Variants in GRIN3B observed in about 807,000 individuals in gnomAD.
GRIN3B encodes the protein glutamate ionotropic receptor NMDA type subunit 3B, also known as glutamate receptor ionotropic, NMDA 3B.
In GRIN3B, 77 loss-of-function variants were observed where a neutral mutation model predicts 66.0. That is an observed-to-expected ratio of 1.17 (90% CI 0.97 to 1.41). The LOEUF (loss-of-function observed/expected upper bound fraction) is 1.41, where lower values mean the gene tolerates loss of function less well. Ranked by LOEUF, GRIN3B falls within the 40% of genes most tolerant of loss-of-function variation. GRIN3B has a pLI of 0.00. For missense variants in GRIN3B, 1,787 were observed against 1,564.5 expected, an observed-to-expected ratio of 1.14 and a Z score of -2.40; for synonymous variants, 823 against 749.7, an observed-to-expected ratio of 1.10 and a Z score of -1.60.
chr19:1,008,920 G>C lies in GRIN3B; in HGVS notation c.2695G>C (p.Glu899Gln), dbSNP rs137857882. The change falls in exon 8 of 9, where the codon GAG (glutamate) becomes CAG (glutamine). Residue 899 changes from glutamate (E) to glutamine (Q), a missense_variant. Glu to Gln is a conservative substitution (Grantham distance 29). Coordinates refer to ENST00000234389, the MANE Select transcript of GRIN3B (RefSeq NM_138690.3). ...EGSKEETAEA[E>Q]PSGPEVEQQQ... ...GTCGAAGGAGGAGACGGCAGAGGCG[G>C]AGCCCAGGTAAGTGGTGGTCGGGGC... 6.2e-7 allele frequency: 1 copy of C among 1,608,082 alleles called. No homozygotes were observed. The highest frequency in any genetic ancestry group is 8.5e-7 in the Non-Finnish European group (1 of 1,177,910).
intron 2 of GRIN3B, among the ~76,000 whole-genome samples, chr19:1,004,088 C>G (rs2038713314): frequency 6.6e-6 from 1 of 152,234 alleles, no homozygotes; most frequent in Admixed American, 6.5e-5. Context: ...CTGTCTCAAA[C>G]ACACAAAGTC....
chr19:1,003,210 C>T lies in GRIN3B; in HGVS notation c.507C>T (p.His169=), dbSNP rs779253822. The part of the protein sequence containing the change: ...LDVLVAVLQA[H]AWEDVGLALC... ...TGCTGGTGGCGGTGCTGCAGGCGCA[C>T]GCCTGGGAAGACGTCGGCCTGGCCC... The change falls in exon 2 of 9, where the codon CAC becomes CAT. Residue 169 remains histidine, a synonymous_variant. Coordinates refer to ENST00000234389, the MANE Select transcript of GRIN3B (RefSeq NM_138690.3). The T allele has an allele frequency of 5.1e-5, 80 of 1,559,972 alleles. No individual in the cohort carries two copies. The highest frequency in any genetic ancestry group is 2.4e-5 in the South Asian group (2 of 84,458).
intron 2 of GRIN3B, 114 bp downstream of exon 2, chr19:1,003,836 C>T: frequency 3.7e-6 from 3 of 815,702 alleles, no homozygotes; most frequent in Non-Finnish European, 3.5e-6. Context: ...CCTGTAATCC[C>T]AGCACTTCGG....
rs986509869 is a variant in GRIN3B at position 1,006,719 on chromosome 19, G to C, written c.2053-909G>C. Among the ~76,000 whole-genome samples, 4 of 152,290 alleles carry C rather than the reference G, an allele frequency of 2.6e-5. No individual in the cohort carries two copies. In the East Asian group the frequency reaches 7.7e-4, roughly 29 times the overall value. ...CCTGGCCTGCTCCCCAGCCCCTGGT[G>C]TCCCCTGTGAAACGGTAGTAAAGCG... On this transcript the variant is annotated intron_variant, in intron 3 of 8. Coordinates refer to ENST00000234389, the MANE Select transcript of GRIN3B (RefSeq NM_138690.3).
chr19:1,008,876 A>C lies in GRIN3B; in HGVS notation c.2651A>C (p.Asn884Thr). 1 of 1,610,270 alleles carries C rather than the reference A, an allele frequency of 6.2e-7. No individual in the cohort carries two copies. The highest frequency in any genetic ancestry group is 8.5e-7 in the Non-Finnish European group (1 of 1,178,644). ...HTSQKIHRAL[N>T]TEPPEGSKEE... ...TCTTAGAAAATCCACCGCGCCCTCAACACGGAGCCACCAGAGGGGTCGAAG... is the reference window on the plus strand; with the variant it reads ...TCTTAGAAAATCCACCGCGCCCTCACCACGGAGCCACCAGAGGGGTCGAAG... Residue 884 changes from asparagine (N) to threonine (T), a missense_variant, in exon 8 of 9, where the codon AAC becomes ACC. Transcript: ENST00000234389.
chr19:1,009,131 G>T (rs760889469), intron 8 of GRIN3B, 42 bp from the exon 9 acceptor site: 4 of 1,441,522 alleles, frequency 2.8e-6, no homozygotes, highest in Non-Finnish European at 3.6e-6. Flanking sequence ...GGCGCGAGAC[G>T]GCTGCCCCGG....
chr19:1,003,108 A>C, intron 1 of GRIN3B, 22 bp from the exon 2 acceptor site: 1 of 1,411,814 alleles, frequency 7.1e-7, no homozygotes, highest in South Asian at 1.6e-5. Flanking sequence ...GTCAACCCTA[A>C]CCGTGGCCAC....
chr19:1,000,893 G>A lies in GRIN3B; in HGVS notation c.426+30G>A, dbSNP rs975512370. The A allele has an allele frequency of 5.9e-6, 8 of 1,357,108 alleles. No individual in the cohort carries two copies. In the South Asian group the frequency reaches 1.0e-4, roughly 17 times the overall value. 84.1% of individuals were successfully genotyped at this position (1,357,108 alleles called of 1,614,324 possible). The stretch of plus-strand genomic sequence containing the variant: ...GCGGGACGCCCGGAGTCAGGACGAG[G>A]GGGACCCGGGGCGGGAGCGGGGTCG... On this transcript the variant is annotated intron_variant, in intron 1 of 8. Transcript: ENST00000234389.
rs1338960515 is a variant in GRIN3B at position 1,007,458 on chromosome 19, G to C, written c.2053-170G>C. On this transcript the variant is annotated intron_variant, in intron 3 of 8. Coordinates refer to ENST00000234389, the MANE Select transcript of GRIN3B (RefSeq NM_138690.3). The surrounding 1 kb of genome is among the most constrained non-coding windows in gnomAD (Gnocchi z 4.4). ...GGACAGTGTGTGTCTAGAGACAGCTGTGGTGGTCACGCCTGGGGTGTGCTC... is the reference window on the plus strand; with the variant it reads ...GGACAGTGTGTGTCTAGAGACAGCTCTGGTGGTCACGCCTGGGGTGTGCTC... Among the ~76,000 whole-genome samples, 1 of 152,038 alleles carries C rather than the reference G, an allele frequency of 6.6e-6. No individual in the cohort carries two copies. Among genetic ancestry groups the C allele is most frequent in the Non-Finnish European group, 1.5e-5 (1 of 67,974 alleles).
chr19:1,008,284 T>A lies in GRIN3B; in HGVS notation c.2459T>A (p.Val820Asp), dbSNP rs771581483. Residue 820 changes from valine (V) to aspartate (D), a missense_variant, in exon 6 of 9, where the codon GTT (valine) becomes GAT (aspartate). Transcript: ENST00000234389. ...CCTTGCGGCAAGCGGGTCTTTGCGG[T>A]TACAGAGGTGGGGCAGGGCCTGGGA... ...MVPCGKRVFA[V>D]TETLQMSIYH... is the part of the protein sequence containing the mutation. The A allele has an allele frequency of 4.0e-6, 6 of 1,486,068 alleles. No individual in the cohort carries two copies. In the Middle Eastern group the frequency reaches 5.5e-4, roughly 136 times the overall value. The allele number at this position is 1,486,068 out of a possible 1,614,324, so 92.1% of individuals were successfully genotyped here. A position where few individuals can be genotyped will look rare whatever the true frequency, so the allele number is the denominator to read the frequency against.
chr19:1,004,521 G>T lies in GRIN3B; in HGVS notation c.1020G>T (p.Arg340=). 6.3e-7 allele frequency: 1 copy of T among 1,577,436 alleles called. No individual in the cohort carries two copies. Among genetic ancestry groups the T allele is most frequent in the Non-Finnish European group, 8.6e-7 (1 of 1,156,884 alleles). ...GACACCCCCCCCGCCCTGCCCCTAG[G>T]TTCCTGGCCAACACGTCCTTCCAGG... ...GPESPGRFLA[R]FLANTSFQGR... is the part of the protein sequence containing the mutation. Residue 340 remains arginine, a splice_region_variant and synonymous_variant, in exon 3 of 9, where the codon CGG becomes CGT. Coordinates refer to ENST00000234389, the MANE Select transcript of GRIN3B (RefSeq NM_138690.3).
chr19:1,005,271 C>T lies in GRIN3B; in HGVS notation c.1770C>T (p.Leu590=). ...GVFAALHLTA[L]FLTVYEWRSP... is the part of the protein sequence containing the mutation. ...TTGCGGCCCTGCACCTCACCGCGCT[C>T]TTCCTCACCGTGTACGAGTGGCGTA... The change falls in exon 3 of 9, where the codon CTC becomes CTT. Residue 590 remains leucine, a synonymous_variant. Transcript: ENST00000234389. This position sits in a 1 kb window ranked among gnomAD's most constrained non-coding sequence, Gnocchi z 5.2. 6.2e-7 allele frequency: 1 copy of T among 1,613,584 alleles called. No individual in the cohort carries two copies.
chr19:1,006,647 A>G (rs2038752142), intron 3 of GRIN3B, among the ~76,000 whole-genome samples: 1 of 151,996 alleles, frequency 6.6e-6, no homozygotes, highest in African/African-American at 2.4e-5. Context: ...TCTGCCCCGT[A>G]GTGTCTCTGA....
At position 1,008,659 on chromosome 19, in the gene GRIN3B, G is replaced by A. The variant is rs773193677; in HGVS notation, c.2508G>A (p.Val836=). ...MSIYHFAGLF[V]LLCLGLGSAL... Reference sequence around the variant, plus strand: ...TCTACCACTTCGCGGGCCTCTTCGTGTTGCTGTGCCTGGGCCTGGGCAGCG... The same window carrying A: ...TCTACCACTTCGCGGGCCTCTTCGTATTGCTGTGCCTGGGCCTGGGCAGCG... Residue 836 remains valine, a synonymous_variant, in exon 7 of 9, where the codon GTG becomes GTA. Transcript: ENST00000234389. 6.9e-6 allele frequency: 11 copies of A among 1,604,140 alleles called. No individual in the cohort carries two copies. Among genetic ancestry groups the A allele is most frequent in the Non-Finnish European group, 9.3e-6 (11 of 1,179,730 alleles).
intron 3 of GRIN3B, among the ~76,000 whole-genome samples, chr19:1,006,926 G>A (rs7251496): frequency 1.3e-5 from 2 of 151,952 alleles, no homozygotes; most frequent in South Asian, 2.1e-4. Context: ...TGGGGAGGCC[G>A]TGGCTGGTGT....
At position 1,007,248 on chromosome 19, in the gene GRIN3B, A is replaced by C. The variant is rs943478507; in HGVS notation, c.2053-380A>C. Reference sequence around the variant, plus strand: ...TGGGGTGGGAAGAGCGAGTGGGGGCAGATCAGGAGTGGGGTCATGGACATG... The same window carrying C: ...TGGGGTGGGAAGAGCGAGTGGGGGCCGATCAGGAGTGGGGTCATGGACATG... On this transcript the variant is annotated intron_variant, in intron 3 of 8. Transcript: ENST00000234389. This position sits in a 1 kb window ranked among gnomAD's most constrained non-coding sequence, Gnocchi z 4.4. Among the ~76,000 whole-genome samples, 1 of 151,550 alleles carries C rather than the reference A, an allele frequency of 6.6e-6. No homozygotes were observed. Among genetic ancestry groups the C allele is most frequent in the East Asian group, 1.9e-4 (1 of 5,150 alleles).
Position 1,003,666 on chromosome 19 carries a change from C to T in GRIN3B, c.963C>T (p.Val321=). Residue 321 remains valine, a synonymous_variant, in exon 2 of 9, where the codon GTC becomes GTT. Coordinates refer to ENST00000234389, the MANE Select transcript of GRIN3B (RefSeq NM_138690.3). ...AGCGAGCCCTCCTCCCCGCCCCGGT[C>T]AACTGCGGGGACCTGCAGCCGGCCG... ...QPKRALLPAP[V]NCGDLQPAGP... is the part of the protein sequence containing the mutation. The T allele has an allele frequency of 7.1e-7, 1 of 1,411,144 alleles. No homozygotes were observed. Among genetic ancestry groups the T allele is most frequent in the Non-Finnish European group, 9.2e-7 (1 of 1,088,926 alleles). The allele number at this position is 1,411,144 out of a possible 1,614,324, so 87.4% of individuals were successfully genotyped here.
chr19:1,003,917 T>C (rs2038711615), intron 2 of GRIN3B, among the ~76,000 whole-genome samples, 195 bp downstream of exon 2: 1 of 152,200 alleles, frequency 6.6e-6, no homozygotes, highest in African/African-American at 2.4e-5. Context: ...TGAAACCCCA[T>C]CTCTACCAAA....
In GRIN3B at chr19:1,005,021, C is replaced by T; in HGVS notation, c.1520C>T (p.Ala507Val). 3 of 1,611,912 alleles carry T rather than the reference C, an allele frequency of 1.9e-6. No homozygotes were observed. The highest frequency in any genetic ancestry group is 2.5e-6 in the Non-Finnish European group (3 of 1,179,414). ...CTCGTGGGTGACGGCAAGTACGGCG[C>T]CCTGCGGGACGGCCGCTGGACCGGC... is the stretch of plus-strand genomic sequence containing the variant. ...LYLVGDGKYG[A>V]LRDGRWTGLV... Residue 507 changes from alanine (A) to valine (V), a missense_variant, in exon 3 of 9, where the codon GCC (alanine) becomes GTC (valine). Coordinates refer to ENST00000234389, the MANE Select transcript of GRIN3B (RefSeq NM_138690.3). The surrounding 1 kb of genome is among the most constrained non-coding windows in gnomAD (Gnocchi z 5.2).
Sources: allele counts gnomAD v4.1 joint callset (sites outside exome capture counted in the v4.1 genomes callset), GRCh38; gene constraint gnomAD v4.1.1; non-coding constraint Gnocchi (gnomAD v3.1); transcripts MANE v1.5; gene names NCBI Gene and HGNC (gene_info 2026-07-23, HGNC 2026-07-21).